BTBD9: variants seen among roughly 807,000 people sequenced by gnomAD.
BTBD9 encodes the protein BTB domain containing 9, also known as BTB/POZ domain-containing protein 9.
Under a neutral mutation model 64.3 loss-of-function variants are expected in BTBD9, and 49 were observed. That is an observed-to-expected ratio of 0.76 (90% CI 0.61 to 0.97). BTBD9 has a LOEUF of 0.97. BTBD9 is among the 50% of genes least tolerant of loss of function. The pLI is 0.00. For synonymous variants in BTBD9, 260 were observed against 274.7 expected (o/e 0.95, Z 0.53); for missense variants, 598 against 762.1 (o/e 0.78, Z 2.53).
rs139508039 is a variant in BTBD9 at position 38,557,343 on chromosome 6, C to T, written c.1154+20257G>A. On this transcript the variant is annotated intron_variant, in intron 6 of 10. Coordinates refer to ENST00000481247, the MANE Select transcript of BTBD9 (RefSeq NM_001099272.2). ...CTGGGCGACAAGAGCAAGACTCAGT[C>T]TCAAAATAAATAAATAAATAAATAA... Among the ~76,000 whole-genome samples the T allele has an allele frequency of 1.9e-3, 292 of 152,090 alleles. 6 individuals carry two copies. In the East Asian group the frequency reaches 0.036, roughly 19 times the overall value.
intron 7 of BTBD9, among the ~76,000 whole-genome samples, chr6:38,326,579 G>C (rs554338438): frequency 2.0e-5 from 3 of 152,138 alleles, no homozygotes; most frequent in Non-Finnish European, 4.4e-5. Flanking sequence ...GTGACAAGAA[G>C]GAACAGATTT....
chr6:38,567,653 G>C (rs1159994097), intron 6 of BTBD9, among the ~76,000 whole-genome samples: 2 of 152,144 alleles, frequency 1.3e-5, no homozygotes, highest in African/African-American at 4.8e-5. Context: ...ACTCTGCCCA[G>C]ATTTTCTGGC....
chr6:38,261,653 A>C (rs1238153803), intron 8 of BTBD9, among the ~76,000 whole-genome samples: 3 of 152,220 alleles, frequency 2.0e-5, no homozygotes, highest in Non-Finnish European at 2.9e-5. Context: ...TGCATGCTGA[A>C]GGTATTAATT....
intron 2 of BTBD9, among the ~76,000 whole-genome samples, chr6:38,596,571 C>G (rs925544045): frequency 6.6e-6 from 1 of 151,566 alleles, no homozygotes; most frequent in African/African-American, 2.4e-5. Context: ...GAGGCTGAGG[C>G]GGGCGGATCA....
At chr6:38,260,161 C>T (rs1764741282) in intron 8 of BTBD9, among the ~76,000 whole-genome samples, 1 of 152,180 alleles carries the variant, frequency 6.6e-6, no homozygotes, top group Non-Finnish European at 1.5e-5. Flanking sequence ...AAAAACTCTG[C>T]TTCAAACATG....
chr6:38,489,622 C>T (rs1771608333), intron 6 of BTBD9, among the ~76,000 whole-genome samples: 1 of 152,208 alleles, frequency 6.6e-6, no homozygotes, highest in Non-Finnish European at 1.5e-5. Flanking sequence ...GACGGACCAG[C>T]TTATAGAAAG....
At chr6:38,202,584 T>C (rs1176735941) in intron 9 of BTBD9, among the ~76,000 whole-genome samples, 2 of 152,108 alleles carry the variant, frequency 1.3e-5, no homozygotes, top group Non-Finnish European at 2.9e-5. Flanking sequence ...CAACAGAGTA[T>C]ACTGGAACAC....
At chr6:38,588,328 C>A in intron 4 of BTBD9, 1 of 963,872 alleles carries the variant, frequency 1.0e-6, no homozygotes, top group Non-Finnish European at 1.7e-6. Context: ...TTATACTACC[C>A]AAACTTTTCA....
intron 6 of BTBD9, among the ~76,000 whole-genome samples, chr6:38,396,820 C>G (rs1187398375): frequency 1.3e-5 from 2 of 151,328 alleles, no homozygotes; most frequent in Admixed American, 6.6e-5. Flanking sequence ...ATGTTGATTA[C>G]ATGTTGAATT....
At chr6:38,486,353 G>A (rs1771421103) in intron 6 of BTBD9, among the ~76,000 whole-genome samples, 1 of 152,192 alleles carries the variant, frequency 6.6e-6, no homozygotes, top group Non-Finnish European at 1.5e-5. Flanking sequence ...TTGGCAAACT[G>A]TCTTAAGAGG....
At chr6:38,450,749 A>G (rs1769500882) in intron 6 of BTBD9, among the ~76,000 whole-genome samples, 2 of 152,184 alleles carry the variant, frequency 1.3e-5, no homozygotes, top group East Asian at 1.9e-4. Flanking sequence ...AAATAATAGA[A>G]GTTCAGAAAA....
chr6:38,275,068 G>A (rs975373683), intron 8 of BTBD9, among the ~76,000 whole-genome samples: 36 of 152,148 alleles, frequency 2.4e-4, no homozygotes, highest in African/African-American at 6.3e-4. Context: ...GAACAAAGTC[G>A]GAGGCATCAC....
intron 1 of BTBD9, among the ~76,000 whole-genome samples, chr6:38,626,086 T>C (rs1189389468): frequency 1.3e-5 from 2 of 152,350 alleles, no homozygotes; most frequent in African/African-American, 4.8e-5. Flanking sequence ...CCCAAGCCAA[T>C]GTCCCCAGAG....
At chr6:38,579,608 G>C (rs556748596) in intron 5 of BTBD9, among the ~76,000 whole-genome samples, 45 of 152,006 alleles carry the variant, frequency 3.0e-4, no homozygotes, top group Non-Finnish European at 2.1e-4. Flanking sequence ...TTGTTTTGAG[G>C]ATAATACTTA....
chr6:38,510,046 C>A (rs1217176107), intron 6 of BTBD9, among the ~76,000 whole-genome samples: 1 of 151,934 alleles, frequency 6.6e-6, no homozygotes, highest in African/African-American at 2.4e-5. Flanking sequence ...CACCAAAAAA[C>A]ACACAAACTC....
chr6:38,208,599 T>C (rs997692129), intron 9 of BTBD9, among the ~76,000 whole-genome samples: 4 of 152,206 alleles, frequency 2.6e-5, no homozygotes, highest in Non-Finnish European at 4.4e-5. Context: ...ATCCTGTTTA[T>C]TCCCTTCTGA....
rs572930341 is a variant in BTBD9 at position 38,618,402 on chromosome 6, A to T, written c.-27-20281T>A. On this transcript the variant is annotated intron_variant, in intron 1 of 10. Transcript: ENST00000481247. ...TATGTCCAAGCTTTCTTTTCATTGAAGTATAATCCACAACTATGCAAAGCT... is the reference window on the plus strand; with the variant it reads ...TATGTCCAAGCTTTCTTTTCATTGATGTATAATCCACAACTATGCAAAGCT... Among the ~76,000 whole-genome samples the T allele has an allele frequency of 1.3e-3, 201 of 152,348 alleles. 1 individual carries two copies. Among genetic ancestry groups the T allele is most frequent in the African/African-American group, 4.5e-3 (186 of 41,576 alleles).
At chr6:38,435,671 CTCTT>C (rs557664582) in intron 6 of BTBD9, among the ~76,000 whole-genome samples, 3 of 135,910 alleles carry the variant, frequency 2.2e-5, no homozygotes, top group African/African-American at 8.3e-5. Flanking sequence ...CTCTCTCTCT[CTCTT>C]TCTTTCTCTC....
At position 38,363,879 on chromosome 6, in the gene BTBD9, C is replaced by T. The variant is rs1332986166; in HGVS notation, c.1155-18786G>A. Among the ~76,000 whole-genome samples, 3 of 152,152 alleles carry T rather than the reference C, an allele frequency of 2.0e-5. No homozygotes were observed. The East Asian group carries it at 5.8e-4, about 29-fold the overall frequency. On this transcript the variant is annotated intron_variant, in intron 6 of 10. Transcript: ENST00000481247. ...TAATAATGCTAATTTTAAATGCCCT[C>T]TTAATAAAATGTTCAGATTGCTACA...
Sources: allele counts gnomAD v4.1 joint callset (sites outside exome capture counted in the v4.1 genomes callset), GRCh38; gene constraint gnomAD v4.1.1; transcripts MANE v1.5; gene names NCBI Gene and HGNC (gene_info 2026-07-23, HGNC 2026-07-21).